CRADD: variants seen among roughly 807,000 people sequenced by gnomAD.
CRADD encodes CARD and death domain containing adaptor protein.
A neutral mutation model predicts 15.5 loss-of-function variants in CRADD; 9 were observed. That is an observed-to-expected ratio of 0.58 (90% CI 0.35 to 1.01). CRADD has a LOEUF of 1.01. Ranked by LOEUF, CRADD falls within the 50% of genes least tolerant of loss-of-function variation. CRADD has a pLI of 0.02. For missense variants in CRADD, 227 were observed against 250.3 expected (o/e 0.91, Z 0.63); for synonymous variants, 118 against 107.6 (o/e 1.10, Z -0.60).
chr12:93,742,959 T>C (rs1956699550), intron 2 of CRADD, among the ~76,000 whole-genome samples: 1 of 152,212 alleles, frequency 6.6e-6, no homozygotes, highest in Admixed American at 6.5e-5. Context: ...AAGTTCACTT[T>C]TGAAAAGAAA....
intron 2 of CRADD, among the ~76,000 whole-genome samples, chr12:93,863,310 C>T (rs765653725): frequency 5.9e-5 from 9 of 152,160 alleles, no homozygotes; most frequent in Admixed American, 2.6e-4. Context: ...CAGGCCTCTG[C>T]GGTCTGTCCC....
intron 2 of CRADD, among the ~76,000 whole-genome samples, chr12:93,862,898 T>C (rs575104853): frequency 1.3e-5 from 2 of 152,286 alleles, no homozygotes; most frequent in South Asian, 4.1e-4. Flanking sequence ...GAGCCAGTAA[T>C]AACCAAGATT....
intron 2 of CRADD, among the ~76,000 whole-genome samples, chr12:93,887,783 CAG>C (rs376670730): frequency 2.1e-3 from 325 of 152,254 alleles, no homozygotes; most frequent in African/African-American, 7.2e-3. Flanking sequence ...GACTAAGGCA[CAG>C]GGGATACAAA....
chr12:93,802,569 G>A (rs1353069167), intron 2 of CRADD, among the ~76,000 whole-genome samples: 1 of 152,188 alleles, frequency 6.6e-6, no homozygotes, highest in Non-Finnish European at 1.5e-5. Flanking sequence ...TTCTCATCTA[G>A]TGCAAGCTCA....
At chr12:93,696,763 A>G (rs189051885) in intron 2 of CRADD, among the ~76,000 whole-genome samples, 4 of 152,300 alleles carry the variant, frequency 2.6e-5, no homozygotes. Flanking sequence ...AAACCACAAT[A>G]AAAAATAACA....
At chr12:93,682,125 A>C (rs1955323498) in intron 2 of CRADD, among the ~76,000 whole-genome samples, 2 of 152,224 alleles carry the variant, frequency 1.3e-5, no homozygotes, top group Non-Finnish European at 2.9e-5. Flanking sequence ...TCCTGGGAAG[A>C]GTATCAGAGT....
intron 2 of CRADD, among the ~76,000 whole-genome samples, chr12:93,742,866 A>G (rs1443638784): frequency 1.3e-5 from 2 of 152,066 alleles, no homozygotes; most frequent in Non-Finnish European, 2.9e-5. Flanking sequence ...TGAACAGGTT[A>G]TGCGCTGGGT....
At chr12:93,875,672 A>G (rs182727599) in intron 2 of CRADD, among the ~76,000 whole-genome samples, 2 of 151,710 alleles carry the variant, frequency 1.3e-5, no homozygotes, top group African/African-American at 4.8e-5. Flanking sequence ...CAAACAAACA[A>G]TCAAAGAGAA....
intron 2 of CRADD, among the ~76,000 whole-genome samples, chr12:93,814,090 A>G (rs931580199): frequency 2.0e-5 from 3 of 152,178 alleles, no homozygotes; most frequent in Non-Finnish European, 2.9e-5. Flanking sequence ...CTGCCTGCCA[A>G]TTCTCTTCTG....
rs1956635999 is a variant in CRADD at position 93,739,421 on chromosome 12, C to T, written c.298+60349C>T. On this transcript the variant is annotated intron_variant, in intron 2 of 2. Transcript: ENST00000332896. Reference sequence around the variant, plus strand: ...TTTATTAAATTATCCTGTTTTTAGGCTATGCTGATGGGCTAAATTTGCCTA... The same window carrying T: ...TTTATTAAATTATCCTGTTTTTAGGTTATGCTGATGGGCTAAATTTGCCTA... Among the ~76,000 whole-genome samples the T allele has an allele frequency of 3.3e-5, 5 of 151,408 alleles. No individual in the cohort carries two copies. In the South Asian group the frequency reaches 1.0e-3, roughly 31 times the overall value.
At chr12:93,864,199 G>A (rs909992732) in intron 2 of CRADD, among the ~76,000 whole-genome samples, 2 of 152,152 alleles carry the variant, frequency 1.3e-5, no homozygotes, top group Non-Finnish European at 2.9e-5. Context: ...GATTACAGGT[G>A]TGTGTCACCA....
intron 2 of CRADD, among the ~76,000 whole-genome samples, chr12:93,879,544 C>T (rs564560217): frequency 6.6e-6 from 1 of 152,316 alleles, no homozygotes; most frequent in Non-Finnish European, 1.5e-5. Flanking sequence ...CTAACTGTAA[C>T]ACATGTGTTT....
At chr12:93,815,826 A>G (rs1593013464) in intron 2 of CRADD, 1 of 152,250 alleles carries the variant, frequency 6.6e-6, no homozygotes, top group South Asian at 2.1e-4. Flanking sequence ...CTACCAAGCA[A>G]AAGAATATGA....
intron 2 of CRADD, among the ~76,000 whole-genome samples, chr12:93,681,473 AC>A (rs1955299446): frequency 6.6e-6 from 1 of 152,234 alleles, no homozygotes; most frequent in Non-Finnish European, 1.5e-5. Flanking sequence ...ATTGAAAAAA[AC>A]ATTCTGAAGT....
At chr12:93,711,179 G>C (rs1371380128) in intron 2 of CRADD, among the ~76,000 whole-genome samples, 1 of 151,170 alleles carries the variant, frequency 6.6e-6, no homozygotes, top group African/African-American at 2.4e-5. Context: ...CTCTTCTCTG[G>C]GTCTTACTGT....
chr12:93,867,388 C>CATATATATATATATATATAT (rs150901925), intron 2 of CRADD, among the ~76,000 whole-genome samples: 1 of 52,636 alleles, frequency 1.9e-5, no homozygotes, highest in Admixed American at 1.6e-4. Context: ...TTGTATTTGA[C>CATATATATATATATATATAT]ATATATATAT....
chr12:93,699,487 C>T (rs1465839260), intron 2 of CRADD, among the ~76,000 whole-genome samples: 1 of 152,222 alleles, frequency 6.6e-6, no homozygotes, highest in African/African-American at 2.4e-5. Context: ...CATTTGAATA[C>T]TAACCACAGA....
At chr12:93,689,876 T>TG (rs1955527292) in intron 2 of CRADD, among the ~76,000 whole-genome samples, 2 of 152,248 alleles carry the variant, frequency 1.3e-5, no homozygotes, top group Admixed American at 1.3e-4. Flanking sequence ...CTTGTCCTGT[T>TG]GCTAGAACTA....
At chr12:93,774,924 G>T (rs1592979272) in intron 2 of CRADD, among the ~76,000 whole-genome samples, 1 of 152,150 alleles carries the variant, frequency 6.6e-6, no homozygotes, top group Non-Finnish European at 1.5e-5. Context: ...GGAGGGAGAG[G>T]GCATAAGGAA....
Sources: gnomAD v4.1 joint callset for allele counts (sites outside exome capture counted in the v4.1 genomes callset) on GRCh38, gnomAD v4.1.1 for gene constraint, MANE v1.5 for transcripts, NCBI Gene and HGNC (gene_info 2026-07-23, HGNC 2026-07-21) for gene names.